Variants in MKRN2OS observed in about 807,000 individuals in gnomAD.
MKRN2OS encodes MKRN2 opposite strand.
Under a neutral mutation model 18.2 loss-of-function variants are expected in MKRN2OS, and 17 were observed. The ratio of observed to expected loss-of-function variants is 0.93; its 90% confidence interval spans 0.64 to 1.40. MKRN2OS has a LOEUF of 1.40. Ranked by LOEUF, MKRN2OS falls within the 40% of genes most tolerant of loss-of-function variation. The pLI is 0.00. For missense variants in MKRN2OS, 337 were observed against 283.0 expected (o/e 1.19, Z -1.37); for synonymous variants, 121 against 108.5 (o/e 1.12, Z -0.72).
chr3:12,544,274 A>C (rs2057855523), intron 1 of MKRN2OS, among the ~76,000 whole-genome samples: 1 of 152,200 alleles, frequency 6.6e-6, no homozygotes, highest in Non-Finnish European at 1.5e-5. Flanking sequence ...GCAGGAGCTG[A>C]ACATATTTCC....
At position 12,540,136 on chromosome 3, in the gene MKRN2OS, T is replaced by G. The variant is rs2057773255; in HGVS notation, c.*57A>C. On this transcript the variant is annotated 3_prime_UTR_variant, in exon 4 of 4. Coordinates refer to ENST00000564146, the MANE Select transcript of MKRN2OS (RefSeq NM_001195279.2). The stretch of plus-strand genomic sequence containing the variant: ...AAATGCATTTAGAAATCCATAGTAC[T>G]GATTAAAGGTAGCAACCACCCTACC... The G allele has an allele frequency of 1.3e-6, 2 of 1,534,166 alleles. No homozygotes were observed. The highest frequency in any genetic ancestry group is 4.9e-5 in the East Asian group (2 of 40,878).
At chr3:12,550,345 A>G (rs2057920733), upstream of MKRN2OS, among the ~76,000 whole-genome samples, 1 of 152,224 alleles carries the variant, frequency 6.6e-6, no homozygotes, top group South Asian at 2.1e-4. Flanking sequence ...AAAAGGCTGT[A>G]TACGGTATGA....
intron 1 of MKRN2OS, among the ~76,000 whole-genome samples, chr3:12,554,972 C>T (rs1167619945): frequency 1.3e-5 from 2 of 152,082 alleles, no homozygotes; most frequent in Non-Finnish European, 2.9e-5. Flanking sequence ...ACGTTCAGAT[C>T]GTGAATGTAT....
upstream of MKRN2OS, among the ~76,000 whole-genome samples, chr3:12,548,073 G>C (rs2057899588): frequency 6.6e-6 from 1 of 152,124 alleles, no homozygotes; most frequent in African/African-American, 2.4e-5. Flanking sequence ...ACTTTGGGAG[G>C]CCAAGGCAGG....
At chr3:12,550,811 T>A (rs1339282310), downstream of MKRN2OS, among the ~76,000 whole-genome samples, 1 of 96,426 alleles carries the variant, frequency 1.0e-5, no homozygotes, top group Admixed American at 9.7e-5. Context: ...ACCGGTAACA[T>A]ATTTTGTTAT....
At chr3:12,551,869 G>A (rs944613923), downstream of MKRN2OS, among the ~76,000 whole-genome samples, 8 of 152,026 alleles carry the variant, frequency 5.3e-5, no homozygotes, top group East Asian at 1.9e-4. Flanking sequence ...GCTTGAACCC[G>A]GGAGGTGGAG....
intron 1 of MKRN2OS, among the ~76,000 whole-genome samples, chr3:12,556,824 G>A (rs1156268044): frequency 1.3e-5 from 2 of 152,182 alleles, no homozygotes; most frequent in Admixed American, 6.5e-5. Flanking sequence ...TGGCGATCGG[G>A]GCAGAATCGC....
rs759074008 is a variant in MKRN2OS at position 12,557,193 on chromosome 3, C to A, written n.265-3059G>T. 822 of 1,534,418 alleles carry A rather than the reference C, an allele frequency of 5.4e-4. 2 individuals carry two copies. The highest frequency in any genetic ancestry group is 6.1e-4 in the Non-Finnish European group (693 of 1,142,472). On this transcript the variant is annotated intron_variant and non_coding_transcript_variant, in intron 1 of 1. Transcript: ENST00000447550. ...CACTTGCAGGTCAGTGCGCTGGAGCCAGGAGCTTCGGGCCGCTCCCCCAGG... is the reference window on the plus strand; with the variant it reads ...CACTTGCAGGTCAGTGCGCTGGAGCAAGGAGCTTCGGGCCGCTCCCCCAGG...
chr3:12,540,278 T>A lies in MKRN2OS; in HGVS notation c.587A>T (p.Tyr196Phe). The part of the protein sequence containing the change: ...TRLASKFITL[Y>F]RAIREHGFYV... The stretch of plus-strand genomic sequence containing the variant: ...GAAGCCATGCTCCCGTATCGCCCGG[T>A]AGAGTGTGATGAACTTGGATGCCAG... Residue 196 changes from tyrosine (Y) to phenylalanine (F), a missense_variant, in exon 4 of 4, where the codon TAC (tyrosine) becomes TTC (phenylalanine). By Grantham distance (22) the Tyr-to-Phe change is conservative (BLOSUM62 3). Transcript: ENST00000564146. 1 of 1,536,010 alleles carries A rather than the reference T, an allele frequency of 6.5e-7. No homozygotes were observed. The highest frequency in any genetic ancestry group is 8.7e-7 in the Non-Finnish European group (1 of 1,146,890).
At position 12,540,127 on chromosome 3, in the gene MKRN2OS, C is replaced by G; in HGVS notation, c.*66G>C. The G allele has an allele frequency of 1.3e-6, 2 of 1,530,020 alleles. No individual in the cohort carries two copies. Among genetic ancestry groups the G allele is most frequent in the South Asian group, 2.4e-5 (2 of 83,520 alleles). The allele number at this position is 1,530,020 out of a possible 1,614,324, so 94.8% of individuals were successfully genotyped here. A position where few individuals can be genotyped will look rare whatever the true frequency, so the allele number is the denominator to read the frequency against. On this transcript the variant is annotated 3_prime_UTR_variant, in exon 4 of 4. Coordinates refer to ENST00000564146, the MANE Select transcript of MKRN2OS (RefSeq NM_001195279.2). The stretch of plus-strand genomic sequence containing the variant: ...ACCACAGTTAAATGCATTTAGAAAT[C>G]CATAGTACTGATTAAAGGTAGCAAC...
At chr3:12,559,828 A>G (rs1373459717) in intron 1 of MKRN2OS, among the ~76,000 whole-genome samples, 1 of 152,082 alleles carries the variant, frequency 6.6e-6, no homozygotes, top group Non-Finnish European at 1.5e-5. Flanking sequence ...TAGCTTAGTA[A>G]CCAGTTTATT....
At chr3:12,548,470 AAAAAAAAAAAAAC>A (rs1171137955), upstream of MKRN2OS, among the ~76,000 whole-genome samples, 44 of 31,152 alleles carry the variant, frequency 1.4e-3, 1 homozygote, top group East Asian at 8.7e-3. Context: ...AAAAAAAAAA[AAAAAAAAAAAAAC>A]CAGCCGAGCG....
chr3:12,545,686 G>T (rs944092294), upstream of MKRN2OS: 2 of 380,370 alleles, frequency 5.3e-6, no homozygotes, highest in Non-Finnish European at 9.3e-6. Flanking sequence ...CATTGTTTAT[G>T]GTAACTGATA....
Position 12,545,414 on chromosome 3 carries a change from C to A in MKRN2OS, c.51G>T (p.Glu17Asp). 6.5e-7 allele frequency: 1 copy of A among 1,535,442 alleles called. No homozygotes were observed. Among genetic ancestry groups the A allele is most frequent in the Non-Finnish European group, 8.7e-7 (1 of 1,146,662 alleles). The change falls in exon 1 of 4, where the codon GAG (glutamate) becomes GAT (aspartate). Residue 17 changes from glutamate (E) to aspartate (D), a missense_variant. Coordinates refer to ENST00000564146, the MANE Select transcript of MKRN2OS (RefSeq NM_001195279.2). Reference protein sequence around the residue: ...GKALIKFNHCEKYIYSFSVPQ... With the variant: ...GKALIKFNHCDKYIYSFSVPQ... ...GCACACTGAAGCTGTAGATGTATTT[C>A]TCACAGTGGTTGAATTTAATTAAAG...
At chr3:12,549,194 C>T (rs1214460029), upstream of MKRN2OS, among the ~76,000 whole-genome samples, 4 of 152,042 alleles carry the variant, frequency 2.6e-5, no homozygotes, top group African/African-American at 2.4e-5. Flanking sequence ...CTGCCCACCT[C>T]GGCCTCCCAA....
intron 1 of MKRN2OS, among the ~76,000 whole-genome samples, chr3:12,543,485 G>A (rs906134884): frequency 2.6e-4 from 40 of 151,956 alleles, no homozygotes; most frequent in Non-Finnish European, 1.0e-4. Flanking sequence ...TACTCGGGAG[G>A]TTGAGGCACA....
At chr3:12,545,132 G>A (rs1485266637) in intron 1 of MKRN2OS, 115 bp downstream of exon 1, 17 of 820,492 alleles carry the variant, frequency 2.1e-5, no homozygotes, top group Middle Eastern at 3.4e-4. Context: ...CCAAAGCACC[G>A]AAAAAATTGT....
chr3:12,539,948 G>A lies in MKRN2OS; in HGVS notation c.*245C>T. The A allele has an allele frequency of 2.1e-6, 1 of 466,758 alleles. No homozygotes were observed. Among genetic ancestry groups the A allele is most frequent in the Non-Finnish European group, 3.9e-6 (1 of 256,326 alleles). 28.9% of individuals were successfully genotyped at this position (466,758 alleles called of 1,614,324 possible). A position where few individuals can be genotyped will look rare whatever the true frequency, so the allele number is the denominator to read the frequency against. On this transcript the variant is annotated 3_prime_UTR_variant, in exon 4 of 4. Transcript: ENST00000564146. Reference sequence around the variant, plus strand: ...TTACAGGCATGCGCCACCATGCCCAGCTAATTTTATATTTTTAGTAAGGAC... The same window carrying A: ...TTACAGGCATGCGCCACCATGCCCAACTAATTTTATATTTTTAGTAAGGAC...
At chr3:12,552,992 G>C (rs2057940651), downstream of MKRN2OS, among the ~76,000 whole-genome samples, 1 of 143,928 alleles carries the variant, frequency 6.9e-6, no homozygotes. Flanking sequence ...CTCCAGCCTG[G>C]GTGACAAAGT....
Sources: gnomAD v4.1 joint callset for allele counts (sites outside exome capture counted in the v4.1 genomes callset) on GRCh38, gnomAD v4.1.1 for gene constraint, MANE v1.5 for transcripts, NCBI Gene and HGNC (gene_info 2026-07-23, HGNC 2026-07-21) for gene names.